The following ESR1 variants were observed in gnomAD, a reference collection of about 807,000 sequenced individuals.
The protein encoded by ESR1 is estrogen receptor.
In ESR1, 12 loss-of-function variants were observed where a neutral mutation model predicts 52.7. That is an observed-to-expected ratio of 0.23 (90% confidence interval 0.15 to 0.37). ESR1 has a LOEUF of 0.37. ESR1 is among the 10% of genes least tolerant of loss of function. The pLI, the probability that ESR1 is intolerant of heterozygous loss-of-function variation, is 1.00. For missense variants in ESR1, 584 were observed against 779.7 expected (o/e 0.75, Z 2.99); for synonymous variants, 305 against 316.8 (o/e 0.96, Z 0.39).
At chr6:151,991,978 C>T in intron 4 of ESR1, among the ~76,000 whole-genome samples, 1 of 152,096 alleles carries the variant, frequency 6.6e-6, no homozygotes, top group Non-Finnish European at 1.5e-5. Context: ...TCACCTCTTC[C>T]AGGAAACTTC....
At position 152,053,722 on chromosome 6, in the gene ESR1, A is replaced by G. The variant is rs1302424980; in HGVS notation, c.1236-7269A>G. Among the ~76,000 whole-genome samples the G allele has an allele frequency of 6.6e-6, 1 of 151,870 alleles. No individual in the cohort carries two copies. Among genetic ancestry groups the G allele is most frequent in the Admixed American group, 6.6e-5 (1 of 15,242 alleles). On this transcript the variant is annotated intron_variant, in intron 5 of 7. Coordinates refer to ENST00000206249, the MANE Select transcript of ESR1 (RefSeq NM_000125.4). This position sits in a 1 kb window ranked among gnomAD's most constrained non-coding sequence, Gnocchi z 4.1. ...CCCAGTTTCAGTGATTTCTATTCAG[A>G]TATCTCCAAAATTTGTATTTCCGGA... is the stretch of plus-strand genomic sequence containing the variant.
At chr6:151,674,062 G>A (rs1388805050) in intron 1 of ESR1, among the ~76,000 whole-genome samples, 1 of 152,104 alleles carries the variant, frequency 6.6e-6, no homozygotes, top group Admixed American at 6.5e-5. Context: ...TGTGGGGAAT[G>A]TGCAGGTTTG....
At chr6:152,060,856 C>A (rs2047486499) in intron 5 of ESR1, 135 bp from the exon 6 acceptor site, 1 of 696,604 alleles carries the variant, frequency 1.4e-6, no homozygotes, top group Non-Finnish European at 2.4e-6. Flanking sequence ...TCCATGAAGA[C>A]AATGGCTGAT....
In ESR1 at chr6:151,807,872, C is replaced by T; in HGVS notation, c.-41C>T. ...CCCGCCGGTTTCTGAGCCTTCTGCCCTGCGGGGACACGGTCTGCACCCTGC... is the reference window on the plus strand; with the variant it reads ...CCCGCCGGTTTCTGAGCCTTCTGCCTTGCGGGGACACGGTCTGCACCCTGC... On this transcript the variant is annotated 5_prime_UTR_variant, in exon 1 of 8. Transcript: ENST00000206249. The T allele has an allele frequency of 3.2e-6, 5 of 1,583,962 alleles. No individual in the cohort carries two copies. The highest frequency in any genetic ancestry group is 4.3e-6 in the Non-Finnish European group (5 of 1,155,568).
chr6:151,766,652 G>A (rs1785079493), intron 2 of ESR1, among the ~76,000 whole-genome samples: 1 of 152,022 alleles, frequency 6.6e-6, no homozygotes, highest in African/African-American at 2.4e-5. Flanking sequence ...CTAAAATGCT[G>A]TGATTTTGAC....
At chr6:152,003,109 G>A (rs2042081829) in intron 4 of ESR1, among the ~76,000 whole-genome samples, 3 of 151,934 alleles carry the variant, frequency 2.0e-5, no homozygotes, top group Non-Finnish European at 2.9e-5. Flanking sequence ...GGCTCTGAGT[G>A]TAATACAGAT....
chr6:151,778,330 C>T (rs1786211770), intron 2 of ESR1, among the ~76,000 whole-genome samples: 1 of 151,652 alleles, frequency 6.6e-6, no homozygotes, highest in Non-Finnish European at 1.5e-5. Flanking sequence ...GATGGCTGCA[C>T]AACACTGGGA....
intron 2 of ESR1, among the ~76,000 whole-genome samples, chr6:151,794,788 C>A (rs1409768476): frequency 6.6e-6 from 1 of 152,086 alleles, no homozygotes; most frequent in Non-Finnish European, 1.5e-5. Context: ...CCTAAGGTGC[C>A]AACATGCATG....
In ESR1 at chr6:152,122,588, C is replaced by G. The variant is rs1474908833; in HGVS notation, c.851-2678C>G. 1 of 1,614,102 alleles carries G rather than the reference C, an allele frequency of 6.2e-7. No individual in the cohort carries two copies. Among genetic ancestry groups the G allele is most frequent in the Non-Finnish European group, 8.5e-7 (1 of 1,180,052 alleles). On this transcript the variant is annotated intron_variant, in intron 6 of 6. Transcript: ENST00000427531. Reference sequence around the variant, plus strand: ...AGCAGGAGAAGCTGAAGGGGAAGAGCTGCTCGGAGGACTCTGAACAGGAAG... The same window carrying G: ...AGCAGGAGAAGCTGAAGGGGAAGAGGTGCTCGGAGGACTCTGAACAGGAAG...
intron 2 of ESR1, among the ~76,000 whole-genome samples, chr6:151,716,885 C>A (rs1781083643): frequency 6.6e-6 from 1 of 152,186 alleles, no homozygotes; most frequent in Non-Finnish European, 1.5e-5. Flanking sequence ...GTATGAAAAA[C>A]AAAAACTCCT....
chr6:151,729,046 A>C (rs1782050096), intron 2 of ESR1, among the ~76,000 whole-genome samples: 1 of 152,180 alleles, frequency 6.6e-6, no homozygotes, highest in South Asian at 2.1e-4. Context: ...TTTGCAATGG[A>C]TGGAATGTTT....
intron 6 of ESR1, among the ~76,000 whole-genome samples, chr6:152,062,236 C>G (rs1390705673): frequency 1.3e-5 from 2 of 152,174 alleles, no homozygotes; most frequent in African/African-American, 4.8e-5. Context: ...CCCACCACTG[C>G]TAGGAACCTG....
At chr6:152,016,259 C>G (rs980176270) in intron 5 of ESR1, among the ~76,000 whole-genome samples, 1 of 152,004 alleles carries the variant, frequency 6.6e-6, no homozygotes, top group Non-Finnish European at 1.5e-5. Context: ...TACCCAGTCT[C>G]AAGTATGTCT....
At chr6:151,782,976 C>A (rs1184104771) in intron 2 of ESR1, among the ~76,000 whole-genome samples, 1 of 152,180 alleles carries the variant, frequency 6.6e-6, no homozygotes, top group Non-Finnish European at 1.5e-5. Flanking sequence ...GACCCCACCA[C>A]TCTAATACCA....
intron 1 of ESR1, among the ~76,000 whole-genome samples, chr6:151,822,094 GA>G (rs1780651499): frequency 1.3e-5 from 2 of 151,992 alleles, no homozygotes; most frequent in South Asian, 2.1e-4. Flanking sequence ...TTTTCACTTT[GA>G]TTTTTTTTAA....
At chr6:151,727,691 C>T (rs1469225610) in intron 2 of ESR1, among the ~76,000 whole-genome samples, 2 of 152,108 alleles carry the variant, frequency 1.3e-5, no homozygotes, top group African/African-American at 2.4e-5. Context: ...TCCATAACCC[C>T]CACTTGTCTA....
chr6:151,990,146 ACAT>A (rs2040871370), intron 4 of ESR1, among the ~76,000 whole-genome samples: 1 of 152,116 alleles, frequency 6.6e-6, no homozygotes, highest in Non-Finnish European at 1.5e-5. Context: ...AATAATTTAA[ACAT>A]CTTCTGAAAT....
intron 2 of ESR1, among the ~76,000 whole-genome samples, chr6:151,726,725 T>C (rs963551717): frequency 8.5e-5 from 13 of 152,346 alleles, no homozygotes; most frequent in African/African-American, 2.9e-4. Context: ...TCTGCCAAAC[T>C]TGCTAATTTA....
At chr6:151,831,817 T>A (rs1160516181) in intron 1 of ESR1, among the ~76,000 whole-genome samples, 1 of 152,208 alleles carries the variant, frequency 6.6e-6, no homozygotes, top group Non-Finnish European at 1.5e-5. Context: ...TGTGAAAATC[T>A]GCTCACCTGC....
Sources: allele counts gnomAD v4.1 joint callset (sites outside exome capture counted in the v4.1 genomes callset), GRCh38; gene constraint gnomAD v4.1.1; non-coding constraint Gnocchi (gnomAD v3.1); transcripts MANE v1.5; gene names NCBI Gene and HGNC (gene_info 2026-07-23, HGNC 2026-07-21).